The following NRG1 variants were observed in gnomAD, a reference collection of about 807,000 sequenced individuals.
NRG1 encodes pro-neuregulin-1, membrane-bound isoform.
A neutral mutation model predicts 63.8 loss-of-function variants in NRG1; 18 were observed. The ratio of observed to expected loss-of-function variants is 0.28; its 90% CI spans 0.19 to 0.42. The LOEUF is 0.42. Among genes scored for constraint, NRG1 ranks in the 10% least tolerant of loss-of-function variants. The pLI is 1.00. For missense variants in NRG1, 762 were observed against 814.7 expected (o/e 0.94, Z 0.79); for synonymous variants, 302 against 301.3 (o/e 1.00, Z -0.02).
At chr8:31,939,744 G>A (rs999981276) in intron 1 of NRG1, among the ~76,000 whole-genome samples, 5 of 151,780 alleles carry the variant, frequency 3.3e-5, no homozygotes, top group African/African-American at 1.2e-4. Context: ...TATGCAAATG[G>A]GCATCAAAAG....
intron 1 of NRG1, among the ~76,000 whole-genome samples, chr8:32,331,760 A>T (rs1802685742): frequency 6.6e-6 from 1 of 152,178 alleles, no homozygotes; most frequent in African/African-American, 2.4e-5. Context: ...AGAGATGAAC[A>T]TCTCAGACCG....
chr8:32,655,878 G>A (rs538010915), intron 5 of NRG1, among the ~76,000 whole-genome samples: 1 of 152,206 alleles, frequency 6.6e-6, no homozygotes, highest in South Asian at 2.1e-4. Flanking sequence ...TGGGACAACG[G>A]AAAACAATCT....
intron 1 of NRG1, among the ~76,000 whole-genome samples, chr8:32,323,543 C>G (rs1456916762): frequency 3.9e-5 from 6 of 152,200 alleles, no homozygotes; most frequent in Non-Finnish European, 8.8e-5. Context: ...GGAACAGAAG[C>G]CAGCAATGGT....
At chr8:32,648,204 G>C (rs754580335) in intron 5 of NRG1, 1 of 1,614,074 alleles carries the variant, frequency 6.2e-7, no homozygotes, top group South Asian at 1.1e-5. Context: ...TGACAAGGCT[G>C]TTGTCTCCTT....
chr8:32,311,166 T>G (rs1856767293), intron 1 of NRG1, among the ~76,000 whole-genome samples: 1 of 152,182 alleles, frequency 6.6e-6, no homozygotes, highest in South Asian at 2.1e-4. Context: ...AAAGACGTAT[T>G]GGATTACTAT....
At chr8:32,183,384 A>G (rs540861630) in intron 1 of NRG1, among the ~76,000 whole-genome samples, 56 of 152,284 alleles carry the variant, frequency 3.7e-4, no homozygotes, top group Non-Finnish European at 6.0e-4. Flanking sequence ...TTTTGGTTCT[A>G]ACCAGAAAAT....
chr8:31,911,176 C>T (rs891135558), intron 1 of NRG1, among the ~76,000 whole-genome samples: 4 of 152,032 alleles, frequency 2.6e-5, no homozygotes, highest in East Asian at 1.9e-4. Context: ...TGTGTGGGAG[C>T]GATTTTTCAA....
At chr8:31,932,634 A>G (rs1280434049) in intron 1 of NRG1, among the ~76,000 whole-genome samples, 2 of 152,140 alleles carry the variant, frequency 1.3e-5, no homozygotes. Context: ...TTGAGATGAT[A>G]TTTTCTATAG....
At chr8:32,544,359 C>G (rs1832853573), upstream of NRG1, among the ~76,000 whole-genome samples, 2 of 152,134 alleles carry the variant, frequency 1.3e-5, no homozygotes, top group African/African-American at 4.8e-5. Context: ...CTCATCTGGC[C>G]TTGTTTTTCA....
intron 2 of NRG1, among the ~76,000 whole-genome samples, chr8:32,597,719 T>C (rs1843612567): frequency 6.6e-6 from 1 of 152,158 alleles, no homozygotes; most frequent in Admixed American, 6.5e-5. Flanking sequence ...TTATCATTGT[T>C]ATACCCATTA....
At chr8:32,719,132 T>C (rs1448610551) in intron 5 of NRG1, among the ~76,000 whole-genome samples, 1 of 152,144 alleles carries the variant, frequency 6.6e-6, no homozygotes, top group Non-Finnish European at 1.5e-5. Flanking sequence ...ATCATTTAGA[T>C]TATTAGCTAA....
chr8:32,211,926 T>C (rs1563914183), intron 1 of NRG1, among the ~76,000 whole-genome samples: 1 of 152,170 alleles, frequency 6.6e-6, no homozygotes, highest in Non-Finnish European at 1.5e-5. Context: ...TTTTTTACAA[T>C]TATATCTTTA....
At chr8:32,605,728 G>T (rs779569547) in intron 3 of NRG1, 45 bp downstream of exon 3, 6 of 1,602,620 alleles carry the variant, frequency 3.7e-6, no homozygotes, top group Non-Finnish European at 5.1e-6. Flanking sequence ...TGTAACAAGA[G>T]TAATCAAAAC....
chr8:31,672,511 T>C (rs1463136411), intron 1 of NRG1, among the ~76,000 whole-genome samples: 1 of 152,142 alleles, frequency 6.6e-6, no homozygotes, highest in African/African-American at 2.4e-5. Context: ...ACAAGAGCTG[T>C]TCCTGCTAGC....
Position 32,728,893 on chromosome 8 carries a change from G to A in NRG1, c.632+815G>A, listed in dbSNP as rs1331113634. ...ATCCTGGCTAACACCGTGAAACCCC[G>A]TCTCTACTAAAAATGCAAAAAAAAA... On this transcript the variant is annotated intron_variant, in intron 6 of 11. Coordinates refer to ENST00000356819, the Ensembl canonical transcript of NRG1. Among the ~76,000 whole-genome samples the A allele has an allele frequency of 6.6e-5, 10 of 151,962 alleles. No individual in the cohort carries two copies. In the South Asian group the frequency reaches 1.0e-3, roughly 16 times the overall value.
intron 1 of NRG1, among the ~76,000 whole-genome samples, chr8:31,823,513 T>C (rs1824212357): frequency 1.3e-5 from 2 of 152,232 alleles, no homozygotes; most frequent in African/African-American, 4.8e-5. Flanking sequence ...AATCCATCAC[T>C]ATTAGTTTCA....
chr8:31,748,360 G>A (rs933736223), intron 1 of NRG1, among the ~76,000 whole-genome samples: 2 of 151,920 alleles, frequency 1.3e-5, no homozygotes, highest in African/African-American at 4.8e-5. Context: ...TTTCACAGAT[G>A]AGAAGATTGA....
At chr8:32,344,364 T>TTCTG (rs1554513647) in intron 1 of NRG1, among the ~76,000 whole-genome samples, 1 of 66,248 alleles carries the variant, frequency 1.5e-5, no homozygotes, top group Non-Finnish European at 3.2e-5. Context: ...CTTTCTTTCT[T>TTCTG]TCTTTCTTTC....
chr8:32,748,825 G>T, intron 7 of NRG1: 6 of 356,730 alleles, frequency 1.7e-5, no homozygotes, highest in South Asian at 1.2e-4. Context: ...ATGCCATACA[G>T]AACTTATATG....
Sources: allele counts gnomAD v4.1 joint callset (sites outside exome capture counted in the v4.1 genomes callset), GRCh38; gene constraint gnomAD v4.1.1; transcripts MANE v1.5; gene names NCBI Gene and HGNC (gene_info 2026-07-23, HGNC 2026-07-21).